PCNP: variants seen among roughly 807,000 people sequenced by gnomAD.
PCNP encodes the protein PEST proteolytic signal-containing nuclear protein.
Under a neutral mutation model 21.8 loss-of-function variants are expected in PCNP, and 6 were observed. The observed-to-expected ratio is 0.28, with a 90% CI of 0.15 to 0.54. The LOEUF (loss-of-function observed/expected upper bound fraction) is 0.54, where lower values mean the gene tolerates loss of function less well. Among genes scored for constraint, PCNP ranks in the 20% least tolerant of loss-of-function variants. The pLI, the probability that PCNP is intolerant of heterozygous loss-of-function variation, is 0.95. For missense variants in PCNP, 161 were observed against 215.5 expected (o/e 0.75, Z 1.58); for synonymous variants, 67 against 73.2 (o/e 0.92, Z 0.43).
At position 101,593,314 on chromosome 3, in the gene PCNP, CA is replaced by C. The variant is rs1935910588; in HGVS notation, c.*562del. 6.6e-6 allele frequency: 1 copy of C among 152,586 alleles called. No homozygotes were observed. The highest frequency in any genetic ancestry group is 1.5e-5 in the Non-Finnish European group (1 of 68,022). The allele number at this position is 152,586 out of a possible 1,614,324, so 9.5% of individuals were successfully genotyped here. On this transcript the variant is annotated 3_prime_UTR_variant, in exon 5 of 5. Transcript: ENST00000265260. ...GGTATTGCATTGCTATCCGTGGATA[CA>C]GACGCTTAGCTCTTAAAAGATTTTT...
rs1935881438 is a variant in PCNP, at chr3:101,592,787, T to A, written c.*34T>A. On this transcript the variant is annotated 3_prime_UTR_variant, in exon 5 of 5. Coordinates refer to ENST00000265260, the MANE Select transcript of PCNP (RefSeq NM_020357.3). ...TTGAAATTGGGGTGTGGGGTGGGTG[T>A]AAAGTTAAAAGGAACAGTTTCCTTT... is the stretch of plus-strand genomic sequence containing the variant. 3 of 1,596,116 alleles carry A rather than the reference T, an allele frequency of 1.9e-6. No individual in the cohort carries two copies. In the East Asian group the frequency reaches 6.7e-5, roughly 36 times the overall value.
intron 2 of PCNP, among the ~76,000 whole-genome samples, chr3:101,582,318 TGGC>T (rs1935266012): frequency 6.6e-6 from 1 of 152,180 alleles, no homozygotes; most frequent in South Asian, 2.1e-4. Context: ...CTGGGTGTGG[TGGC>T]GGGCGCCTGT....
chr3:101,581,299 G>A (rs1364077545), intron 2 of PCNP, among the ~76,000 whole-genome samples: 5 of 152,042 alleles, frequency 3.3e-5, no homozygotes, highest in Non-Finnish European at 7.4e-5. Context: ...TTGATAGGCA[G>A]TATGTTAAAT....
At chr3:101,592,136 T>G (rs750858436) in intron 4 of PCNP, among the ~76,000 whole-genome samples, 7 of 151,654 alleles carry the variant, frequency 4.6e-5, no homozygotes, top group Non-Finnish European at 1.0e-4. Flanking sequence ...GTAAAGTGTT[T>G]TTTGTTTTTT....
At chr3:101,576,947 T>C in intron 1 of PCNP, 2 of 1,442,952 alleles carry the variant, frequency 1.4e-6, no homozygotes, top group Admixed American at 1.7e-5. Context: ...ACTAGCGACA[T>C]GGCGGCAGCA....
chr3:101,586,791 G>C (rs1214189313), intron 3 of PCNP, among the ~76,000 whole-genome samples: 1 of 151,970 alleles, frequency 6.6e-6, no homozygotes, highest in Non-Finnish European at 1.5e-5. Flanking sequence ...GGGCTCAAGT[G>C]ATCCTCTGCC....
intron 1 of PCNP, 45 bp downstream of exon 1, chr3:101,574,324 CCTTT>C: frequency 6.6e-7 from 1 of 1,504,432 alleles, no homozygotes; most frequent in Non-Finnish European, 9.0e-7. Context: ...ATGCTCCGGG[CCTTT>C]CTTTGAGCTC....
intron 2 of PCNP, among the ~76,000 whole-genome samples, chr3:101,584,182 A>G (rs916588148): frequency 1.7e-4 from 26 of 152,216 alleles, no homozygotes; most frequent in Non-Finnish European, 3.5e-4. Flanking sequence ...GGAGCTGCCC[A>G]GTAGGCAGAT....
At position 101,576,597 on chromosome 3, in the gene PCNP, A is replaced by C. The variant is rs1576603466; in HGVS notation, c.64+2318A>C. 5 of 1,611,092 alleles carry C rather than the reference A, an allele frequency of 3.1e-6. No homozygotes were observed. The South Asian group carries it at 5.5e-5, about 18-fold the overall frequency. ...AGTGACGCAGCCCTCTATGGGCCCG[A>C]ATCTTCTTCAGTCGCTCCAGGTCTT... On this transcript the variant is annotated intron_variant, in intron 1 of 4. Coordinates refer to ENST00000265260, the MANE Select transcript of PCNP (RefSeq NM_020357.3).
intron 1 of PCNP, chr3:101,576,797 C>G (rs1366818109): frequency 6.2e-7 from 1 of 1,610,336 alleles, no homozygotes; most frequent in African/African-American, 1.3e-5. Context: ...TTGGTGAGGT[C>G]AGTGTCTGCT....
At chr3:101,575,154 A>G (rs1289915717) in intron 1 of PCNP, among the ~76,000 whole-genome samples, 2 of 152,232 alleles carry the variant, frequency 1.3e-5, no homozygotes, top group Non-Finnish European at 2.9e-5. Flanking sequence ...CTCTTTGCAC[A>G]TAACAAGACA....
At chr3:101,578,266 G>A (rs1186969977) in intron 1 of PCNP, among the ~76,000 whole-genome samples, 1 of 152,182 alleles carries the variant, frequency 6.6e-6, no homozygotes, top group African/African-American at 2.4e-5. Flanking sequence ...CTTGATTAGA[G>A]CTACAAATAG....
At chr3:101,586,571 T>TGTGTGAGAGA in intron 3 of PCNP, among the ~76,000 whole-genome samples, 2 of 114,142 alleles carry the variant, frequency 1.8e-5, no homozygotes, top group Non-Finnish European at 3.9e-5. Context: ...TGTGTGTGTG[T>TGTGTGAGAGA]GAGAGAGAGA....
At chr3:101,585,593 G>A (rs972392110) in intron 3 of PCNP, 82 bp downstream of exon 3, 15 of 765,592 alleles carry the variant, frequency 2.0e-5, no homozygotes, top group Non-Finnish European at 3.0e-5. Context: ...GGTTATAATA[G>A]TATTAGTGAA....
chr3:101,591,528 C>A (rs997282305), intron 4 of PCNP, among the ~76,000 whole-genome samples: 1 of 152,190 alleles, frequency 6.6e-6, no homozygotes, highest in African/African-American at 2.4e-5. Flanking sequence ...GTAGGAAGTA[C>A]ATATGACGTT....
intron 1 of PCNP, chr3:101,574,996 A>G (rs900013091): frequency 6.6e-6 from 1 of 152,126 alleles, no homozygotes; most frequent in Non-Finnish European, 1.5e-5. Context: ...CTTGCCAGAT[A>G]CTTAGGCGAC....
At chr3:101,581,432 T>A (rs1003154632) in intron 2 of PCNP, among the ~76,000 whole-genome samples, 2 of 151,710 alleles carry the variant, frequency 1.3e-5, no homozygotes, top group Non-Finnish European at 2.9e-5. Flanking sequence ...TTATATTTAT[T>A]TATTTATTTA....
chr3:101,584,072 G>C (rs1330209579), intron 2 of PCNP, among the ~76,000 whole-genome samples: 2 of 152,060 alleles, frequency 1.3e-5, no homozygotes, highest in Admixed American at 1.3e-4. Context: ...TTACTTAATA[G>C]GTGTCTAATC....
At chr3:101,575,878 G>A (rs903212672) in intron 1 of PCNP, among the ~76,000 whole-genome samples, 2 of 152,134 alleles carry the variant, frequency 1.3e-5, no homozygotes, top group Non-Finnish European at 2.9e-5. Context: ...AAGTAGTAGA[G>A]AATTACTTTG....
Sources: allele counts gnomAD v4.1 joint callset (sites outside exome capture counted in the v4.1 genomes callset), GRCh38; gene constraint gnomAD v4.1.1; transcripts MANE v1.5; gene names NCBI Gene and HGNC (gene_info 2026-07-23, HGNC 2026-07-21).